The following ABHD17B variants were observed in gnomAD, a reference collection of about 807,000 sequenced individuals.
ABHD17B encodes abhydrolase domain containing 17B, depalmitoylase.
A neutral mutation model predicts 26.2 loss-of-function variants in ABHD17B; 9 were observed. The observed-to-expected ratio is 0.34, with a 90% CI of 0.21 to 0.60. ABHD17B has a LOEUF of 0.60. ABHD17B is among the 20% of genes least tolerant of loss of function. The probability of loss-of-function intolerance (pLI) is 0.80; values close to 1 mark genes in which losing one functional copy is unlikely to be tolerated. For synonymous variants in ABHD17B, 127 were observed against 122.3 expected, an observed-to-expected ratio of 1.04 and a Z score of -0.25; for missense variants, 224 against 352.1, an observed-to-expected ratio of 0.64 and a Z score of 2.91.
At chr9:71,903,212 A>C (rs1350480779) in intron 1 of ABHD17B, among the ~76,000 whole-genome samples, 1 of 151,900 alleles carries the variant, frequency 6.6e-6, no homozygotes, top group Non-Finnish European at 1.5e-5. Flanking sequence ...GATAGATAAT[A>C]TTTTACCTAT....
intron 1 of ABHD17B, among the ~76,000 whole-genome samples, chr9:71,883,353 C>G (rs1396915257): frequency 6.6e-6 from 1 of 152,134 alleles, no homozygotes; most frequent in Non-Finnish European, 1.5e-5. Flanking sequence ...GGTGCTGGTA[C>G]AGAAACAAAT....
chr9:71,874,580 C>A (rs112233044), intron 2 of ABHD17B, 34 bp downstream of exon 2: 86 of 1,503,204 alleles, frequency 5.7e-5, no homozygotes, highest in African/African-American at 3.9e-4. Flanking sequence ...CTAACCACCA[C>A]GAGTATGAAA....
At chr9:71,884,076 T>C (rs1022038810) in intron 1 of ABHD17B, among the ~76,000 whole-genome samples, 10 of 152,036 alleles carry the variant, frequency 6.6e-5, no homozygotes, top group African/African-American at 2.2e-4. Context: ...GGGCAAAAGA[T>C]AGGAATAGGC....
Position 71,875,075 on chromosome 9 carries a change from A to G in ABHD17B, c.6T>C (p.Asn2=). 6.2e-7 allele frequency: 1 copy of G among 1,601,190 alleles called. No individual in the cohort carries two copies. Among genetic ancestry groups the G allele is most frequent in the South Asian group, 1.1e-5 (1 of 90,838 alleles). Residue 2 remains asparagine (N), a synonymous_variant, in exon 2 of 4, where the codon AAT becomes AAC. Transcript: ENST00000333421. ...AACATAGCTCACTAAATGAAAGATT[A>G]TTCATGCTCTGAAAAAGAAAAGGAG... M[N]NLSFSELCCL...
rs190332796 is a variant in ABHD17B at position 71,882,590 on chromosome 9, G to A, written c.-3-7507C>T. 2.6e-3 allele frequency among the ~76,000 whole-genome samples: 401 copies of A among 151,886 alleles called. 3 individuals are homozygous for A. Among genetic ancestry groups the A allele is most frequent in the African/African-American group, 9.3e-3 (384 of 41,402 alleles). On this transcript the variant is annotated intron_variant, in intron 1 of 3. Coordinates refer to ENST00000333421, the MANE Select transcript of ABHD17B (RefSeq NM_001025780.3). ...GGAGAATTGCTTGAACTCGGGAGGC[G>A]GAGGTTGCAGTGAGCTGAGATCGCG...
chr9:71,865,041 G>T, downstream of ABHD17B: 1 of 463,992 alleles, frequency 2.2e-6, no homozygotes, highest in Non-Finnish European at 2.8e-6. Flanking sequence ...AAAAAGTGAT[G>T]ATATAATTTT....
chr9:71,899,472 T>C (rs954505995), intron 1 of ABHD17B, among the ~76,000 whole-genome samples: 10 of 152,222 alleles, frequency 6.6e-5, no homozygotes, highest in African/African-American at 2.4e-4. Context: ...TTGCTCACCC[T>C]TACAAATGTT....
intron 1 of ABHD17B, among the ~76,000 whole-genome samples, chr9:71,888,423 C>A (rs1001649688): frequency 2.0e-5 from 3 of 152,140 alleles, no homozygotes; most frequent in Admixed American, 6.5e-5. Context: ...TACATTGTTC[C>A]AGAAACATTC....
intron 1 of ABHD17B, among the ~76,000 whole-genome samples, chr9:71,889,227 G>A (rs1826704524): frequency 6.6e-6 from 1 of 151,148 alleles, no homozygotes; most frequent in African/African-American, 2.4e-5. Context: ...TGAGGCAGGT[G>A]AATCACTTGA....
rs577006601 is a variant in ABHD17B, at chr9:71,910,042, AGT to A, written c.-4+590_-4+591del. Among the ~76,000 whole-genome samples the A allele has an allele frequency of 3.7e-3, 564 of 152,318 alleles. 3 individuals are homozygous for A. Among genetic ancestry groups the A allele is most frequent in the Middle Eastern group, 0.014 (4 of 294 alleles). ...ACGATTCCTGATAAGCCTACCTTAG[AGT>A]TCGAAAACAAATAAGATTAAAGCCC... On this transcript the variant is annotated intron_variant, in intron 1 of 3. Transcript: ENST00000333421.
rs148365413 is a variant in ABHD17B, at chr9:71,889,991, T to C, written c.-3-14908A>G. Among the ~76,000 whole-genome samples the C allele has an allele frequency of 5.8e-3, 877 of 152,098 alleles. 8 individuals carry two copies. The highest frequency in any genetic ancestry group is 0.02 in the African/African-American group (822 of 41,486). On this transcript the variant is annotated intron_variant, in intron 1 of 3. Coordinates refer to ENST00000333421, the MANE Select transcript of ABHD17B (RefSeq NM_001025780.3). ...AAAAGACTGAGCGGGCTGGGCAAGG[T>C]AGCTCATACCTGGAATCCCAGCACT...
Position 71,867,921 on chromosome 9 carries a change from T to A in ABHD17B, c.648-915A>T, listed in dbSNP as rs369263775. Among the ~76,000 whole-genome samples, 186 of 152,114 alleles carry A rather than the reference T, an allele frequency of 1.2e-3. 1 individual carries two copies. The highest frequency in any genetic ancestry group is 4.4e-3 in the African/African-American group (181 of 41,502). ...CAGGAGGGACTTTTAGAAAGTCTTC[T>A]TTGGGCCAGGTGCGGTGGCTCATGC... On this transcript the variant is annotated intron_variant, in intron 3 of 3. Coordinates refer to ENST00000333421, the MANE Select transcript of ABHD17B (RefSeq NM_001025780.3).
At position 71,875,023 on chromosome 9, in the gene ABHD17B, C is replaced by T. The variant is rs887657534; in HGVS notation, c.58G>A (p.Gly20Arg). The T allele has an allele frequency of 1.2e-6, 2 of 1,613,966 alleles. No homozygotes were observed. Among genetic ancestry groups the T allele is most frequent in the Middle Eastern group, 1.6e-4 (1 of 6,062 alleles). The change falls in exon 2 of 4, where the codon GGG becomes AGG. Residue 20 changes from glycine (G) to arginine (R), a missense_variant. Gly to Arg is a moderately radical substitution (Grantham distance 125). Transcript: ENST00000333421. ...AACGCTAATTTTGAAGCAATCTTCC[C>T]TGGACAAGGTGGACAGCAGAAGAGG... ...CCLFCCPPCP[G>R]KIASKLAFLP...
intron 2 of ABHD17B, among the ~76,000 whole-genome samples, chr9:71,874,097 T>C (rs1465338289): frequency 2.6e-5 from 4 of 152,160 alleles, no homozygotes; most frequent in Admixed American, 1.3e-4. Context: ...CCTTGAAAGG[T>C]TGCAGCTTTG....
At chr9:71,863,214 T>A (rs1447777371), downstream of ABHD17B, among the ~76,000 whole-genome samples, 1 of 152,074 alleles carries the variant, frequency 6.6e-6, no homozygotes, top group African/African-American at 2.4e-5. Context: ...AAGCCAAATA[T>A]CAAAACAAAC....
Position 71,874,655 on chromosome 9 carries a change from G to C in ABHD17B, c.426C>G (p.Leu142=). Residue 142 remains leucine, a synonymous_variant, in exon 2 of 4, where the codon CTC becomes CTG. Coordinates refer to ENST00000333421, the MANE Select transcript of ABHD17B (RefSeq NM_001025780.3). The part of the protein sequence containing the change: ...ASSGKPTEKN[L]YADIEAAWLA... ...GCCAAGCAGCTTCAATGTCTGCATA[G>C]AGGTTCTTCTCTGTGGGTTTCCCGG... 3 of 1,610,908 alleles carry C rather than the reference G, an allele frequency of 1.9e-6. No homozygotes were observed. The highest frequency in any genetic ancestry group is 1.7e-6 in the Non-Finnish European group (2 of 1,178,340).
chr9:71,882,185 G>C (rs980235284), intron 1 of ABHD17B, among the ~76,000 whole-genome samples: 1 of 152,198 alleles, frequency 6.6e-6, no homozygotes, highest in Non-Finnish European at 1.5e-5. Flanking sequence ...AGTCACATTA[G>C]AAAACAATCT....
chr9:71,902,828 C>T (rs991314931), intron 1 of ABHD17B, among the ~76,000 whole-genome samples: 2 of 152,072 alleles, frequency 1.3e-5, no homozygotes, highest in Non-Finnish European at 1.5e-5. Context: ...GTTTATTATA[C>T]GAATTATTTC....
At chr9:71,906,509 T>C (rs1422686103) in intron 1 of ABHD17B, among the ~76,000 whole-genome samples, 4 of 152,178 alleles carry the variant, frequency 2.6e-5, no homozygotes, top group Non-Finnish European at 4.4e-5. Flanking sequence ...CCTGGGAATC[T>C]TGATAAAATA....
Sources: allele counts gnomAD v4.1 joint callset (sites outside exome capture counted in the v4.1 genomes callset), GRCh38; gene constraint gnomAD v4.1.1; transcripts MANE v1.5; gene names NCBI Gene and HGNC (gene_info 2026-07-23, HGNC 2026-07-21).